The following RGSL1 variants were observed in gnomAD, a reference collection of about 807,000 sequenced individuals.
RGSL1 encodes regulator of G protein signaling protein-like.
In RGSL1, 97 loss-of-function variants were observed where a neutral mutation model predicts 124.7. The ratio of observed to expected loss-of-function variants is 0.78; its 90% CI spans 0.66 to 0.92. RGSL1 has a LOEUF of 0.92. Among genes scored for constraint, RGSL1 ranks in the 40% least tolerant of loss-of-function variants. RGSL1 has a pLI of 0.00. For missense variants in RGSL1, 1,233 were observed against 1,288.4 expected (o/e 0.96, Z 0.66); for synonymous variants, 424 against 438.1 (o/e 0.97, Z 0.40).
intron 14 of RGSL1, among the ~76,000 whole-genome samples, chr1:182,534,862 C>G (rs987926352): frequency 6.6e-6 from 1 of 151,916 alleles, no homozygotes; most frequent in African/African-American, 2.4e-5. Flanking sequence ...TTTGTTTCTT[C>G]TTTTAAATAA....
At chr1:182,551,502 C>T (rs1349149985) in intron 18 of RGSL1, among the ~76,000 whole-genome samples, 3 of 152,196 alleles carry the variant, frequency 2.0e-5, no homozygotes, top group Non-Finnish European at 4.4e-5. Context: ...TGCTTTTCTG[C>T]TGCTTAAGAA....
intron 9 of RGSL1, among the ~76,000 whole-genome samples, chr1:182,513,626 G>A (rs1390023619): frequency 6.6e-6 from 1 of 152,140 alleles, no homozygotes; most frequent in Non-Finnish European, 1.5e-5. Context: ...GACTTGCATG[G>A]TGACTCTTAA....
chr1:182,499,098 G>C (rs1389505088), intron 9 of RGSL1, among the ~76,000 whole-genome samples: 1 of 152,178 alleles, frequency 6.6e-6, no homozygotes, highest in African/African-American at 2.4e-5. Context: ...TGGCTCTTAT[G>C]TGGCCAATTT....
chr1:182,540,523 A>G (rs1169560280), intron 15 of RGSL1, 102 bp downstream of exon 15: 5 of 977,958 alleles, frequency 5.1e-6, no homozygotes, highest in Non-Finnish European at 7.3e-6. Flanking sequence ...CAGTGATTTC[A>G]GACCTGTCCA....
intron 21 of RGSL1, among the ~76,000 whole-genome samples, 155 bp downstream of exon 21, chr1:182,556,377 G>A (rs1053099111): frequency 6.6e-5 from 10 of 152,198 alleles, no homozygotes; most frequent in Admixed American, 2.6e-4. Context: ...TGGATGTAAA[G>A]ATCACTGAAG....
intron 18 of RGSL1, 137 bp downstream of exon 18, chr1:182,551,346 T>C (rs1240309926): frequency 3.0e-6 from 2 of 675,398 alleles, no homozygotes; most frequent in East Asian, 5.4e-5. Context: ...TACTTGGCCC[T>C]CAGGGAGACA....
chr1:182,457,400 G>T (rs114297587), intron 2 of RGSL1, among the ~76,000 whole-genome samples: 3,819 of 152,238 alleles, frequency 0.025, 158 homozygotes, highest in African/African-American at 0.087. Flanking sequence ...TGTGTGTTGT[G>T]TTACACACTG....
rs1009560157 is a variant in RGSL1 at position 182,548,441 on chromosome 1, C to G, written c.2794C>G (p.Pro932Ala). Reference protein sequence around the residue: ...IQKLFLNSDIPPKLRVNVPEF... With the variant: ...IQKLFLNSDIAPKLRVNVPEF... Reference sequence around the variant, plus strand: ...AAAACTCTTCCTGAATTCTGACATCCCTCCAAAGCTGAGGGTAAGAAAGAC... The same window carrying G: ...AAAACTCTTCCTGAATTCTGACATCGCTCCAAAGCTGAGGGTAAGAAAGAC... The change falls in exon 16 of 22, where the codon CCT (proline) becomes GCT (alanine). Residue 932 changes from proline (P) to alanine (A), a missense_variant. By Grantham distance (27) the Pro-to-Ala change is conservative. Coordinates refer to ENST00000294854, the MANE Select transcript of RGSL1 (RefSeq NM_001137669.2). The G allele has an allele frequency of 3.9e-6, 6 of 1,551,516 alleles. No individual in the cohort carries two copies. Among genetic ancestry groups the G allele is most frequent in the Non-Finnish European group, 4.4e-6 (5 of 1,146,990 alleles).
chr1:182,550,493 C>T (rs540323239), intron 17 of RGSL1: 1 of 152,256 alleles, frequency 6.6e-6, no homozygotes, highest in South Asian at 2.1e-4. Context: ...AATCCAAGGA[C>T]TGGTTGAAGG....
In RGSL1 at chr1:182,496,300, T is replaced by C. The variant is rs1165917355; in HGVS notation, c.1825+3171T>C. 2.6e-5 allele frequency among the ~76,000 whole-genome samples: 4 copies of C among 152,204 alleles called. No individual in the cohort carries two copies. The East Asian group carries it at 7.7e-4, about 29-fold the overall frequency. ...CATAAGAAACCACCCCATGAGCTAA[T>C]AACCTCCCACCAGGCCCCACCTCCA... is the stretch of plus-strand genomic sequence containing the variant. On this transcript the variant is annotated intron_variant, in intron 9 of 21. Coordinates refer to ENST00000294854, the MANE Select transcript of RGSL1 (RefSeq NM_001137669.2).
chr1:182,510,703 A>G lies in RGSL1; in HGVS notation c.1826-11301A>G, dbSNP rs866837889. Among the ~76,000 whole-genome samples, 300 of 97,370 alleles carry G rather than the reference A, an allele frequency of 3.1e-3. 62 individuals are homozygous for G. The highest frequency in any genetic ancestry group is 0.014 in the African/African-American group (282 of 20,172). The allele number at this position is 97,370 out of a possible 152,430, so 63.9% of individuals were successfully genotyped here. A position where few individuals can be genotyped will look rare whatever the true frequency, so the allele number is the denominator to read the frequency against. On this transcript the variant is annotated intron_variant, in intron 9 of 21. Transcript: ENST00000294854. ...GAGAGGGAGAGGGAGAGGGAGAGGG[A>G]GAGGCCTATTGACTATTTGTATGTT... is the stretch of plus-strand genomic sequence containing the variant.
chr1:182,550,872 A>G (rs574098265), intron 17 of RGSL1: 1 of 521,016 alleles, frequency 1.9e-6, no homozygotes, highest in Non-Finnish European at 3.4e-6. Flanking sequence ...AAGAAGCCCC[A>G]ACAAACTGCC....
chr1:182,500,969 T>C (rs1019642707), intron 9 of RGSL1, among the ~76,000 whole-genome samples: 1 of 152,210 alleles, frequency 6.6e-6, no homozygotes, highest in African/African-American at 2.4e-5. Flanking sequence ...CTTCCCAATG[T>C]GGACATTTTT....
intron 9 of RGSL1, among the ~76,000 whole-genome samples, chr1:182,511,830 T>G (rs1032432407): frequency 6.6e-6 from 1 of 152,208 alleles, no homozygotes; most frequent in Admixed American, 6.5e-5. Flanking sequence ...CTCTGGATAG[T>G]ATTGTCATTT....
intron 4 of RGSL1, among the ~76,000 whole-genome samples, chr1:182,469,495 A>C (rs1653638159): frequency 6.6e-6 from 1 of 152,214 alleles, no homozygotes; most frequent in Non-Finnish European, 1.5e-5. Flanking sequence ...GTACCAAAAA[A>C]AATAAGATAA....
In RGSL1 at chr1:182,549,079, C is replaced by G. The variant is rs550872570; in HGVS notation, c.2933+255C>G. 54 of 372,366 alleles carry G rather than the reference C, an allele frequency of 1.5e-4. No individual in the cohort carries two copies. The South Asian group carries it at 1.8e-3, about 12-fold the overall frequency. 23.1% of individuals were successfully genotyped at this position (372,366 alleles called of 1,614,324 possible). On this transcript the variant is annotated intron_variant, in intron 17 of 21. Coordinates refer to ENST00000294854, the MANE Select transcript of RGSL1 (RefSeq NM_001137669.2). ...CCCACCCCTCCTCTTTCTATGCTTG[C>G]TTGGAGCAAGAATGTGAGGTTTTCT...
Position 182,522,081 on chromosome 1 carries a change from C to T in RGSL1, c.1903C>T (p.Leu635Phe), listed in dbSNP as rs1399934198. ...NRKMSLLKRT[L>F]VRKPSMRPRN... The stretch of plus-strand genomic sequence containing the variant: ...GAAAATGTCCTTGCTCAAAAGAACT[C>T]TTGTAAGGAAGCCATCAATGAGACC... Residue 635 changes from leucine (L) to phenylalanine (F), a missense_variant, in exon 10 of 22, where the codon CTT becomes TTT. Coordinates refer to ENST00000294854, the MANE Select transcript of RGSL1 (RefSeq NM_001137669.2). The T allele has an allele frequency of 6.5e-7, 1 of 1,550,116 alleles. No individual in the cohort carries two copies. The highest frequency in any genetic ancestry group is 2.0e-5 in the Admixed American group (1 of 50,774).
chr1:182,537,598 CT>C (rs1558407478), intron 14 of RGSL1, among the ~76,000 whole-genome samples: 1 of 152,116 alleles, frequency 6.6e-6, no homozygotes, highest in African/African-American at 2.4e-5. Context: ...CAGTTTTATT[CT>C]TTTGGATCTT....
intron 9 of RGSL1, among the ~76,000 whole-genome samples, chr1:182,508,098 C>T (rs1656962273): frequency 6.6e-6 from 1 of 152,100 alleles, no homozygotes; most frequent in East Asian, 1.9e-4. Context: ...TTCCGAGAAA[C>T]CTCCATACTA....
Sources: gnomAD v4.1 joint callset for allele counts (sites outside exome capture counted in the v4.1 genomes callset) on GRCh38, gnomAD v4.1.1 for gene constraint, MANE v1.5 for transcripts, NCBI Gene and HGNC (gene_info 2026-07-23, HGNC 2026-07-21) for gene names.